The following HCN1 variants were observed in gnomAD, a reference collection of about 807,000 sequenced individuals.
HCN1 encodes the protein potassium/sodium hyperpolarization-activated cyclic nucleotide-gated channel 1.
In HCN1, 13 loss-of-function variants were observed where a neutral mutation model predicts 78.9. The observed-to-expected ratio is 0.16, with a 90% CI of 0.11 to 0.26. The LOEUF is 0.26. HCN1 is among the 10% of genes least tolerant of loss of function. HCN1 has a pLI of 1.00. For missense variants in HCN1, 810 were observed against 1,154.3 expected, an observed-to-expected ratio of 0.70 and a Z score of 4.32; for synonymous variants, 552 against 455.5, an observed-to-expected ratio of 1.21 and a Z score of -2.70.
intron 5 of HCN1, among the ~76,000 whole-genome samples, chr5:45,312,169 A>G (rs986874038): frequency 1.3e-5 from 2 of 152,248 alleles, no homozygotes; most frequent in African/African-American, 4.8e-5. Flanking sequence ...TTGGGTGAAG[A>G]TTTTTCTTAT....
In HCN1 at chr5:45,260,371, GAGA is replaced by G. The variant is rs1421897546; in HGVS notation, c.*1547_*1549del. The G allele has an allele frequency of 6.6e-6, 1 of 152,326 alleles. No homozygotes were observed. The highest frequency in any genetic ancestry group is 1.9e-4 in the East Asian group (1 of 5,188). 9.4% of individuals were successfully genotyped at this position (152,326 alleles called of 1,614,324 possible). A position where few individuals can be genotyped will look rare whatever the true frequency, so the allele number is the denominator to read the frequency against. On this transcript the variant is annotated 3_prime_UTR_variant, in exon 8 of 8. Coordinates refer to ENST00000303230, the MANE Select transcript of HCN1 (RefSeq NM_021072.4). The stretch of plus-strand genomic sequence containing the variant: ...CAAATGATTACTAAGGGAGTTCTTT[GAGA>G]AGAAGCAGGTGCTCACAGATCATGT...
At chr5:45,528,248 G>A (rs1280235706) in intron 2 of HCN1, among the ~76,000 whole-genome samples, 2 of 151,800 alleles carry the variant, frequency 1.3e-5, no homozygotes, top group Admixed American at 6.6e-5. Context: ...TATTACTGAT[G>A]TGTACTTATA....
intron 7 of HCN1, among the ~76,000 whole-genome samples, chr5:45,264,620 G>T (rs1288421538): frequency 1.8e-4 from 27 of 152,018 alleles, no homozygotes; most frequent in Admixed American, 1.8e-3. Flanking sequence ...TCCTACATTA[G>T]TAATAAATAT....
chr5:45,467,662 A>G (rs1741301551), intron 2 of HCN1, among the ~76,000 whole-genome samples: 1 of 151,966 alleles, frequency 6.6e-6, no homozygotes, highest in Admixed American at 6.6e-5. Context: ...CCCTATTCCT[A>G]ACAACAACCC....
chr5:45,371,279 G>C (rs1333025945), intron 4 of HCN1, among the ~76,000 whole-genome samples: 1 of 151,908 alleles, frequency 6.6e-6, no homozygotes, highest in Non-Finnish European at 1.5e-5. Flanking sequence ...CAAAATCAAA[G>C]CTGAACTGAA....
At chr5:45,488,469 G>C (rs2111692190) in intron 2 of HCN1, among the ~76,000 whole-genome samples, 1 of 152,158 alleles carries the variant, frequency 6.6e-6, no homozygotes, top group South Asian at 2.1e-4. Context: ...AGCAGGGACT[G>C]TTTATATTCT....
At chr5:45,691,287 T>C (rs762593977) in intron 1 of HCN1, among the ~76,000 whole-genome samples, 3 of 152,020 alleles carry the variant, frequency 2.0e-5, no homozygotes, top group Non-Finnish European at 4.4e-5. Flanking sequence ...TGATTCTCAA[T>C]TTATAATCAT....
chr5:45,542,597 C>G (rs888387436), intron 2 of HCN1, among the ~76,000 whole-genome samples: 2 of 152,090 alleles, frequency 1.3e-5, no homozygotes, highest in East Asian at 3.9e-4. Flanking sequence ...AGCAGACCAG[C>G]AAAAGTGTTG....
chr5:45,361,736 A>T (rs1444008810), intron 4 of HCN1, among the ~76,000 whole-genome samples: 2 of 152,214 alleles, frequency 1.3e-5, no homozygotes, highest in Non-Finnish European at 2.9e-5. Flanking sequence ...GATTCAAAAG[A>T]ACTTGGAAGT....
chr5:45,327,346 T>G lies in HCN1; in HGVS notation c.1378-23507A>C, dbSNP rs1746256824. ...GAGTACATCTGAAGACTTAATTCTG[T>G]GAGAAAATGACTTGGAGAATTTGGT... On this transcript the variant is annotated intron_variant, in intron 5 of 7. Transcript: ENST00000303230. Among the ~76,000 whole-genome samples the G allele has an allele frequency of 1.3e-5, 2 of 151,740 alleles. 1 individual carries two copies. The highest frequency in any genetic ancestry group is 4.1e-4 in the South Asian group (2 of 4,834).
intron 2 of HCN1, among the ~76,000 whole-genome samples, chr5:45,616,907 T>C (rs567708565): frequency 2.0e-5 from 3 of 151,984 alleles, no homozygotes; most frequent in African/African-American, 4.8e-5. Context: ...ACTCTACTTA[T>C]CCCGCAAATG....
rs747927678 is a variant in HCN1 at position 45,645,156 on chromosome 5, G to C, written c.849+29C>G. Reference sequence around the variant, plus strand: ...CCATAATTAACAATTTCATGATATAGATTTAAAAAAGAAAAAGATGCATCT... The same window carrying C: ...CCATAATTAACAATTTCATGATATACATTTAAAAAAGAAAAAGATGCATCT... On this transcript the variant is annotated intron_variant, in intron 2 of 7. Coordinates refer to ENST00000303230, the MANE Select transcript of HCN1 (RefSeq NM_021072.4). 3.4e-5 allele frequency: 51 copies of C among 1,515,842 alleles called. No individual in the cohort carries two copies. The African/African-American group carries it at 5.5e-4, about 16-fold the overall frequency. The allele number at this position is 1,515,842 out of a possible 1,614,324, so 93.9% of individuals were successfully genotyped here.
chr5:45,658,944 A>C (rs1745854589), intron 1 of HCN1, among the ~76,000 whole-genome samples: 1 of 144,840 alleles, frequency 6.9e-6, no homozygotes, highest in Non-Finnish European at 1.5e-5. Context: ...AACTGGGTGG[A>C]GCCCACCACA....
chr5:45,347,290 A>C (rs1232195981), intron 5 of HCN1, among the ~76,000 whole-genome samples: 10 of 152,150 alleles, frequency 6.6e-5, no homozygotes, highest in African/African-American at 2.4e-4. Flanking sequence ...ACTCCAACAG[A>C]CCTGCAGCTG....
intron 4 of HCN1, among the ~76,000 whole-genome samples, chr5:45,355,719 T>C (rs928632765): frequency 2.6e-5 from 4 of 151,910 alleles, no homozygotes; most frequent in Admixed American, 1.3e-4. Flanking sequence ...AAGTGGAACT[T>C]ATGTTTTAAA....
intron 6 of HCN1, among the ~76,000 whole-genome samples, chr5:45,288,234 T>A (rs771960235): frequency 6.6e-6 from 1 of 152,092 alleles, no homozygotes; most frequent in Non-Finnish European, 1.5e-5. Context: ...CACCGGAGCA[T>A]GAATCATCAC....
At chr5:45,533,630 C>T (rs970038644) in intron 2 of HCN1, among the ~76,000 whole-genome samples, 2 of 152,048 alleles carry the variant, frequency 1.3e-5, no homozygotes, top group African/African-American at 4.8e-5. Context: ...TTTATTATGC[C>T]AAAATCCTAT....
At chr5:45,593,457 T>C (rs1744426715) in intron 2 of HCN1, among the ~76,000 whole-genome samples, 1 of 151,844 alleles carries the variant, frequency 6.6e-6, no homozygotes. Context: ...TGGTAGGCCA[T>C]ATTTAGCAAG....
chr5:45,363,166 A>C (rs888355661), intron 4 of HCN1, among the ~76,000 whole-genome samples: 1 of 139,260 alleles, frequency 7.2e-6, no homozygotes, highest in Non-Finnish European at 1.5e-5. Context: ...ATATATATAT[A>C]TATCTGAATA....
Sources: allele counts gnomAD v4.1 joint callset (sites outside exome capture counted in the v4.1 genomes callset), GRCh38; gene constraint gnomAD v4.1.1; transcripts MANE v1.5; gene names NCBI Gene and HGNC (gene_info 2026-07-23, HGNC 2026-07-21).